Variants in NPR3 observed in about 807,000 individuals in gnomAD.
The protein encoded by NPR3 is atrial natriuretic peptide receptor 3.
In NPR3, 34 loss-of-function variants were observed where a neutral mutation model predicts 54.5. That is an observed-to-expected ratio of 0.62 (90% CI 0.47 to 0.83). NPR3 has a LOEUF of 0.83. Among genes scored for constraint, NPR3 ranks in the 40% least tolerant of loss-of-function variants. The probability of loss-of-function intolerance (pLI) is 0.00; values close to 1 mark genes in which losing one functional copy is unlikely to be tolerated. For synonymous variants in NPR3, 289 were observed against 297.1 expected, an observed-to-expected ratio of 0.97 and a Z score of 0.28; for missense variants, 674 against 720.8, an observed-to-expected ratio of 0.94 and a Z score of 0.74.
intron 3 of NPR3, among the ~76,000 whole-genome samples, chr5:32,751,291 A>T (rs960465256): frequency 2.6e-5 from 4 of 152,212 alleles, no homozygotes; most frequent in Non-Finnish European, 5.9e-5. Flanking sequence ...GGTGAAAAAT[A>T]TTTGAGGATA....
intron 3 of NPR3, among the ~76,000 whole-genome samples, chr5:32,771,845 C>T (rs564504759): frequency 1.3e-5 from 2 of 152,208 alleles, no homozygotes; most frequent in South Asian, 4.2e-4. Context: ...TTGATCAGAG[C>T]TTTCCGAGGG....
intron 3 of NPR3, among the ~76,000 whole-genome samples, chr5:32,753,184 T>G (rs1276783003): frequency 6.6e-6 from 1 of 152,236 alleles, no homozygotes; most frequent in Non-Finnish European, 1.5e-5. Context: ...CTGTTTTTTT[T>G]CCATTATGTG....
At chr5:32,703,909 T>G (rs763582194) in intron 1 of NPR3, among the ~76,000 whole-genome samples, 2 of 152,220 alleles carry the variant, frequency 1.3e-5, no homozygotes, top group Non-Finnish European at 2.9e-5. Context: ...GCTCCACGCC[T>G]AGCACAGCAC....
chr5:32,717,849 C>T (rs986251422), intron 1 of NPR3, among the ~76,000 whole-genome samples: 1 of 142,934 alleles, frequency 7.0e-6, no homozygotes, highest in African/African-American at 2.5e-5. Context: ...TGCAGAAGCT[C>T]TTTAGTTTAA....
chr5:32,704,856 T>C (rs534416594), upstream of NPR3, among the ~76,000 whole-genome samples: 5 of 152,346 alleles, frequency 3.3e-5, no homozygotes, highest in South Asian at 8.3e-4. Flanking sequence ...TTGTGTGCTT[T>C]CTCAAATCCT....
At chr5:32,755,929 GA>G (rs1167741289) in intron 3 of NPR3, among the ~76,000 whole-genome samples, 3 of 152,186 alleles carry the variant, frequency 2.0e-5, no homozygotes, top group Non-Finnish European at 4.4e-5. Flanking sequence ...CAAAGGACAT[GA>G]ACTCATCATT....
intron 3 of NPR3, among the ~76,000 whole-genome samples, chr5:32,758,976 T>C (rs1191529686): frequency 6.6e-6 from 1 of 152,232 alleles, no homozygotes; most frequent in East Asian, 1.9e-4. Context: ...AGACAGTTTG[T>C]TATAATTTCT....
At chr5:32,718,096 C>T (rs1251654892) in intron 1 of NPR3, among the ~76,000 whole-genome samples, 1 of 152,286 alleles carries the variant, frequency 6.6e-6, no homozygotes, top group East Asian at 1.9e-4. Flanking sequence ...TTTCCCAGCA[C>T]CATTTATTAA....
chr5:32,771,050 GTT>G (rs540902606), intron 3 of NPR3, among the ~76,000 whole-genome samples: 1 of 146,686 alleles, frequency 6.8e-6, no homozygotes, highest in Non-Finnish European at 1.5e-5. Context: ...TTCATACATG[GTT>G]TTTTTTTTTT....
rs559160674 is a variant in NPR3 at position 32,720,823 on chromosome 5, T to C, written c.770-3875T>C. Among the ~76,000 whole-genome samples, 3 of 152,304 alleles carry C rather than the reference T, an allele frequency of 2.0e-5. No homozygotes were observed. In the East Asian group the frequency reaches 5.8e-4, roughly 29 times the overall value. On this transcript the variant is annotated intron_variant, in intron 1 of 7. Transcript: ENST00000265074. Reference sequence around the variant, plus strand: ...GGTAGGTGCTGGCAGCTAGTATAGTTCTCCTGAATATGCTGCACACTTCTC... The same window carrying C: ...GGTAGGTGCTGGCAGCTAGTATAGTCCTCCTGAATATGCTGCACACTTCTC...
intron 1 of NPR3, among the ~76,000 whole-genome samples, chr5:32,720,415 GT>G (rs1713064598): frequency 6.6e-6 from 1 of 152,218 alleles, no homozygotes; most frequent in African/African-American, 2.4e-5. Context: ...TACCTGGAAT[GT>G]TTTTGATTCT....
upstream of NPR3, chr5:32,710,547 G>C: frequency 1.6e-6 from 2 of 1,240,958 alleles, no homozygotes; most frequent in Non-Finnish European, 2.1e-6. Context: ...CTGTGACCTC[G>C]GCACCGCTGC....
chr5:32,775,294 A>ATT (rs3066363), intron 4 of NPR3, among the ~76,000 whole-genome samples: 2 of 145,138 alleles, frequency 1.4e-5, no homozygotes, highest in Non-Finnish European at 3.0e-5. Context: ...AGGCCTCTGC[A>ATT]TTTTTTTTTT....
At chr5:32,713,062 C>G in intron 1 of NPR3, 2 of 584,286 alleles carry the variant, frequency 3.4e-6, no homozygotes, top group Admixed American at 6.3e-5. Flanking sequence ...TTCCACAGAC[C>G]CCAGGTTTCT....
chr5:32,734,666 C>T (rs910218197), intron 2 of NPR3, among the ~76,000 whole-genome samples: 6 of 152,232 alleles, frequency 3.9e-5, no homozygotes, highest in Non-Finnish European at 8.8e-5. Context: ...AGCTGTGCCA[C>T]CCAATGGAAC....
Position 32,756,289 on chromosome 5 carries a change from A to G in NPR3, c.1059+17259A>G, listed in dbSNP as rs550250428. On this transcript the variant is annotated intron_variant, in intron 3 of 7. Transcript: ENST00000265074. The stretch of plus-strand genomic sequence containing the variant: ...GTTGTTTCCTGACTTTTTAATGATC[A>G]CCATTCTAACTGGTGTGAGATGGTA... Among the ~76,000 whole-genome samples the G allele has an allele frequency of 3.5e-3, 533 of 152,182 alleles. 4 individuals carry two copies. Among genetic ancestry groups the G allele is most frequent in the African/African-American group, 0.012 (513 of 41,530 alleles).
chr5:32,778,614 C>T (rs1030784735), intron 4 of NPR3, among the ~76,000 whole-genome samples: 7 of 152,116 alleles, frequency 4.6e-5, no homozygotes, highest in Non-Finnish European at 2.9e-5. Flanking sequence ...ACTTTGAGCT[C>T]CACTACAGCC....
At chr5:32,745,730 G>A (rs1039232498) in intron 3 of NPR3, among the ~76,000 whole-genome samples, 5 of 152,178 alleles carry the variant, frequency 3.3e-5, no homozygotes, top group African/African-American at 1.2e-4. Context: ...GTAAGATACC[G>A]ATTTCTCTTT....
At chr5:32,748,831 T>G (rs939484977) in intron 3 of NPR3, among the ~76,000 whole-genome samples, 2 of 152,234 alleles carry the variant, frequency 1.3e-5, no homozygotes, top group African/African-American at 4.8e-5. Flanking sequence ...CACTTTTTGC[T>G]TGCTTTTTCT....
Sources: gnomAD v4.1 joint callset for allele counts (sites outside exome capture counted in the v4.1 genomes callset) on GRCh38, gnomAD v4.1.1 for gene constraint, MANE v1.5 for transcripts, NCBI Gene and HGNC (gene_info 2026-07-23, HGNC 2026-07-21) for gene names.